Variants in JAK1 observed in about 807,000 individuals in gnomAD.
JAK1 encodes the protein Janus kinase 1, also known as tyrosine-protein kinase JAK1.
In JAK1, 16 loss-of-function variants were observed where a neutral mutation model predicts 136.6. The observed-to-expected ratio is 0.12, with a 90% CI of 0.08 to 0.18. The LOEUF (loss-of-function observed/expected upper bound fraction) is 0.18. Among genes scored for constraint, JAK1 ranks in the 10% least tolerant of loss-of-function variants. JAK1 has a pLI of 1.00. For missense variants in JAK1, 859 were observed against 1,450.1 expected (o/e 0.59, Z 6.62); for synonymous variants, 492 against 519.5 (o/e 0.95, Z 0.72).
At chr1:64,862,367 C>G (rs371978247) in intron 8 of JAK1, among the ~76,000 whole-genome samples, 3 of 152,176 alleles carry the variant, frequency 2.0e-5, no homozygotes, top group African/African-American at 7.2e-5. Flanking sequence ...CTCAGTTTCC[C>G]CTTATCATAC....
At chr1:64,966,943 A>G (rs866551153), upstream of JAK1, among the ~76,000 whole-genome samples, 2 of 152,036 alleles carry the variant, frequency 1.3e-5, no homozygotes, top group South Asian at 2.1e-4. Context: ...TTCTTACCCC[A>G]GCTCAGTAGG....
At chr1:65,047,238 C>A (rs998948279) in intron 1 of JAK1, among the ~76,000 whole-genome samples, 1 of 152,052 alleles carries the variant, frequency 6.6e-6, no homozygotes, top group African/African-American at 2.4e-5. Context: ...GCTACTGTTA[C>A]CATGAATACT....
chr1:64,860,679 C>G (rs1489327155), intron 8 of JAK1, among the ~76,000 whole-genome samples: 1 of 152,174 alleles, frequency 6.6e-6, no homozygotes, highest in South Asian at 2.1e-4. Context: ...GTCTTGAACT[C>G]CTGACCTCGA....
At chr1:64,853,370 A>G (rs1393389400) in intron 11 of JAK1, among the ~76,000 whole-genome samples, 1 of 152,200 alleles carries the variant, frequency 6.6e-6, no homozygotes, top group Non-Finnish European at 1.5e-5. Context: ...GGGCAGTGGT[A>G]CAGAAGGAAT....
chr1:64,942,369 G>T (rs1645905688), intron 1 of JAK1: 1 of 152,082 alleles, frequency 6.6e-6, no homozygotes, highest in African/African-American at 2.4e-5. Flanking sequence ...AGCATAGTGG[G>T]GCTCTCTAAA....
intron 2 of JAK1, among the ~76,000 whole-genome samples, chr1:65,008,714 G>A (rs1041877377): frequency 2.7e-5 from 4 of 150,748 alleles, no homozygotes; most frequent in African/African-American, 9.8e-5. Context: ...TTATGACAGG[G>A]TCTCACTCAG....
At chr1:64,859,955 G>A (rs561997267) in intron 9 of JAK1, 150 bp downstream of exon 9, 2 of 550,070 alleles carry the variant, frequency 3.6e-6, no homozygotes, top group Non-Finnish European at 6.1e-6. Flanking sequence ...GGCCTGACCA[G>A]AGCTTGGACA....
chr1:64,840,450 C>A (rs1476656368), intron 19 of JAK1, among the ~76,000 whole-genome samples: 1 of 152,192 alleles, frequency 6.6e-6, no homozygotes, highest in Non-Finnish European at 1.5e-5. Context: ...CTTCTCTAGT[C>A]ACAATTAACT....
intron 1 of JAK1, among the ~76,000 whole-genome samples, chr1:64,957,192 A>G (rs989328494): frequency 6.6e-6 from 1 of 151,540 alleles, no homozygotes; most frequent in Admixed American, 6.6e-5. Context: ...GGAAAGAGGA[A>G]AGAGAGGAGA....
At chr1:64,885,386 AC>A (rs1644836057) in intron 2 of JAK1, among the ~76,000 whole-genome samples, 1 of 152,174 alleles carries the variant, frequency 6.6e-6, no homozygotes, top group African/African-American at 2.4e-5. Context: ...ACAGTGTTGC[AC>A]CCTCTAACTC....
upstream of JAK1, among the ~76,000 whole-genome samples, chr1:64,966,752 A>G (rs1569776778): frequency 7.0e-6 from 1 of 141,912 alleles, no homozygotes; most frequent in Admixed American, 7.1e-5. Flanking sequence ...GTCTCTGTTC[A>G]CCGCGTCCTC....
intron 3 of JAK1, among the ~76,000 whole-genome samples, chr1:64,880,026 T>G (rs541146993): frequency 2.1e-4 from 32 of 152,268 alleles, no homozygotes; most frequent in African/African-American, 7.0e-4. Flanking sequence ...GAGGTAAACT[T>G]AAATGACAAA....
intron 2 of JAK1, among the ~76,000 whole-genome samples, chr1:64,983,528 A>G (rs1646569799): frequency 6.6e-6 from 1 of 152,212 alleles, no homozygotes; most frequent in South Asian, 2.1e-4. Context: ...AAATCTCCTA[A>G]AGAACAAAAT....
rs180938832 is a variant in JAK1, at chr1:65,023,344, C to T, written c.-78+21136G>A. The stretch of plus-strand genomic sequence containing the variant: ...TTCCTGGCCTCAAGCAATCCTCCCA[C>T]CTCAGCCTCCTGAGGCACTGGTATT... On this transcript the variant is annotated intron_variant, in intron 2 of 25. Coordinates refer to the JAK1 transcript ENST00000671954. 2.2e-4 allele frequency among the ~76,000 whole-genome samples: 34 copies of T among 152,262 alleles called. No homozygotes were observed. The East Asian group carries it at 6.2e-3, about 28-fold the overall frequency.
intron 2 of JAK1, among the ~76,000 whole-genome samples, chr1:64,998,976 A>C (rs1646728669): frequency 6.6e-6 from 1 of 152,232 alleles, no homozygotes. Context: ...ACAGCACTTA[A>C]GTATGATGAA....
chr1:64,857,752 C>G lies in JAK1; in HGVS notation c.1362G>C (p.Arg454=), dbSNP rs1311393656. The change falls in exon 10 of 25, where the codon CGG becomes CGC. Residue 454 remains arginine, a synonymous_variant. Coordinates refer to ENST00000342505, the MANE Select transcript of JAK1 (RefSeq NM_002227.4). The part of the protein sequence containing the change: ...ICTEYAINKL[R]QEGSEEGMYV... Reference sequence around the variant, plus strand: ...ACATCCCCTCCTCGCTTCCTTCTTGCCGCAATTTATTGATGGCGTATTCTG... The same window carrying G: ...ACATCCCCTCCTCGCTTCCTTCTTGGCGCAATTTATTGATGGCGTATTCTG... 11 of 1,614,162 alleles carry G rather than the reference C, an allele frequency of 6.8e-6. No homozygotes were observed. The highest frequency in any genetic ancestry group is 8.5e-6 in the Non-Finnish European group (10 of 1,180,028).
chr1:64,993,756 C>T (rs948579926), intron 2 of JAK1, among the ~76,000 whole-genome samples: 1 of 152,148 alleles, frequency 6.6e-6, no homozygotes, highest in South Asian at 2.1e-4. Context: ...AGCGATTCTC[C>T]TCCCTCAGCC....
At chr1:64,923,465 AAACAC>A (rs1326421257) in intron 1 of JAK1, among the ~76,000 whole-genome samples, 7 of 152,188 alleles carry the variant, frequency 4.6e-5, no homozygotes, top group Non-Finnish European at 5.9e-5. Context: ...TTAGCTTATT[AAACAC>A]ACATTTTTTA....
intron 21 of JAK1, 152 bp from the exon 22 acceptor site, chr1:64,838,256 A>C: frequency 1.1e-6 from 1 of 937,824 alleles, no homozygotes; most frequent in Non-Finnish European, 1.6e-6. Context: ...TATTAAGAAC[A>C]AACTGATTCA....
Sources: gnomAD v4.1 joint callset for allele counts (sites outside exome capture counted in the v4.1 genomes callset) on GRCh38, gnomAD v4.1.1 for gene constraint, MANE v1.5 for transcripts, NCBI Gene and HGNC (gene_info 2026-07-23, HGNC 2026-07-21) for gene names.